Variants in CSPP1 observed in about 807,000 individuals in gnomAD.
The protein encoded by CSPP1 is centrosome and spindle pole-associated protein 1.
In CSPP1, 126 loss-of-function variants were observed where a neutral mutation model predicts 164.4. The ratio of observed to expected loss-of-function variants is 0.77; its 90% confidence interval spans 0.66 to 0.89. The LOEUF is 0.89. Among genes scored for constraint, CSPP1 ranks in the 40% least tolerant of loss-of-function variants. The pLI, the probability that CSPP1 is intolerant of heterozygous loss-of-function variation, is 0.00. For synonymous variants in CSPP1, 472 were observed against 476.7 expected, an observed-to-expected ratio of 0.99 and a Z score of 0.13; for missense variants, 1,395 against 1,449.8, an observed-to-expected ratio of 0.96 and a Z score of 0.61.
chr8:67,185,884 A>T (rs763295887), intron 28 of CSPP1, among the ~76,000 whole-genome samples: 1 of 152,222 alleles, frequency 6.6e-6, no homozygotes, highest in Non-Finnish European at 1.5e-5. Context: ...CAAGATCAAA[A>T]GGACAAGAAT....
At chr8:67,106,857 C>G (rs1433877514) in intron 9 of CSPP1, among the ~76,000 whole-genome samples, 1 of 151,968 alleles carries the variant, frequency 6.6e-6, no homozygotes, top group Admixed American at 6.6e-5. Flanking sequence ...CATATTATTG[C>G]ATTATATTGT....
chr8:67,172,414 A>G lies in CSPP1; in HGVS notation c.2829-2A>G. On this transcript the variant is annotated splice_acceptor_variant, in intron 24 of 30. Coordinates refer to ENST00000678616, the MANE Select transcript of CSPP1 (RefSeq NM_001382391.1). LOFTEE classifies it high-confidence loss of function. The stretch of plus-strand genomic sequence containing the variant: ...ATATTATGATTTGTCATTTATCTAT[A>G]GGAAAAAGGAAAGGAATCCCATGGA... The G allele has an allele frequency of 6.2e-7, 1 of 1,608,928 alleles. No homozygotes were observed. Among genetic ancestry groups the G allele is most frequent in the Non-Finnish European group, 8.5e-7 (1 of 1,176,466 alleles).
Position 67,064,514 on chromosome 8 carries a change from G to A in CSPP1, c.-35G>A, listed in dbSNP as rs1805098750. ...TCCCCTGAGTAAGAGTCAGCCAGCC[G>A]CGGATGGGGAGCGTGAGTGGCGAGG... On this transcript the variant is annotated 5_prime_UTR_variant, in exon 1 of 31. Coordinates refer to ENST00000678616, the MANE Select transcript of CSPP1 (RefSeq NM_001382391.1). The A allele has an allele frequency of 6.2e-7, 1 of 1,612,776 alleles. No homozygotes were observed. The highest frequency in any genetic ancestry group is 8.5e-7 in the Non-Finnish European group (1 of 1,179,682).
At chr8:67,169,968 G>A (rs1006990805) in intron 24 of CSPP1, among the ~76,000 whole-genome samples, 23 of 151,762 alleles carry the variant, frequency 1.5e-4, no homozygotes, top group African/African-American at 4.8e-4. Flanking sequence ...GGCTGGTCTC[G>A]AACTCCTGAG....
chr8:67,110,644 A>T (rs1816664477), intron 9 of CSPP1, among the ~76,000 whole-genome samples: 1 of 151,980 alleles, frequency 6.6e-6, no homozygotes, highest in Admixed American at 6.6e-5. Flanking sequence ...GCCTTCCTGA[A>T]TTTTGCTCTT....
At chr8:67,136,057 T>C (rs949466298) in intron 16 of CSPP1, 6 of 152,262 alleles carry the variant, frequency 3.9e-5, no homozygotes, top group Non-Finnish European at 8.8e-5. Context: ...ATCTTATGTG[T>C]GTGTGATTCA....
At chr8:67,191,300 CTG>C (rs1052580788) in intron 29 of CSPP1, among the ~76,000 whole-genome samples, 9 of 152,174 alleles carry the variant, frequency 5.9e-5, no homozygotes, top group African/African-American at 1.2e-4. Flanking sequence ...TTCTTAAACT[CTG>C]TGTGTGTTTC....
At chr8:67,175,195 A>T in intron 25 of CSPP1, 101 bp from the exon 26 acceptor site, 1 of 830,164 alleles carries the variant, frequency 1.2e-6, no homozygotes, top group Non-Finnish European at 2.0e-6. Context: ...CATTTCCTTG[A>T]TTTTGAAATT....
intron 18 of CSPP1, among the ~76,000 whole-genome samples, chr8:67,153,796 T>C (rs1419521202): frequency 6.6e-6 from 1 of 151,778 alleles, no homozygotes; most frequent in East Asian, 1.9e-4. Flanking sequence ...TTTCAGATAT[T>C]ATTTGATTTT....
intron 23 of CSPP1, 51 bp from the exon 24 acceptor site, chr8:67,164,340 C>A: frequency 2.3e-6 from 2 of 867,022 alleles, no homozygotes; most frequent in Non-Finnish European, 3.9e-6. Flanking sequence ...AATGTTTAGT[C>A]TTTTGTTCTT....
At chr8:67,083,548 A>AAAAAAAAAAATATATATATATAT (rs1332248754) in intron 3 of CSPP1, 3 of 91,502 alleles carry the variant, frequency 3.3e-5, no homozygotes, top group African/African-American at 1.3e-4. Flanking sequence ...AAAAAAAAAA[A>AAAAAAAAAAATATATATATATAT]ATATATATAT....
chr8:67,159,190 T>C (rs1827238564), intron 21 of CSPP1, 53 bp downstream of exon 21: 2 of 1,483,842 alleles, frequency 1.3e-6, no homozygotes, highest in South Asian at 1.3e-5. Flanking sequence ...TCACTTTCAC[T>C]GTGAGAGTTG....
In CSPP1 at chr8:67,086,065, A is replaced by G. The variant is rs759655809; in HGVS notation, c.258A>G (p.Lys86=). Residue 86 remains lysine (K), a synonymous_variant, in exon 4 of 31, where the codon AAA becomes AAG. Transcript: ENST00000678616. ...LGEDYERKKH[K]LKEELRQDYR... Reference sequence around the variant, plus strand: ...AAGACTATGAACGGAAGAAACATAAATTAAAAGAAGAATTGCGGCAAGATT... The same window carrying G: ...AAGACTATGAACGGAAGAAACATAAGTTAAAAGAAGAATTGCGGCAAGATT... 6.6e-7 allele frequency: 1 copy of G among 1,526,062 alleles called. No individual in the cohort carries two copies. Among genetic ancestry groups the G allele is most frequent in the Admixed American group, 1.7e-5 (1 of 59,904 alleles). The allele number at this position is 1,526,062 out of a possible 1,614,324, so 94.5% of individuals were successfully genotyped here. A position where few individuals can be genotyped will look rare whatever the true frequency, so the allele number is the denominator to read the frequency against.
At position 67,076,576 on chromosome 8, in the gene CSPP1, C is replaced by A; in HGVS notation, c.194C>A (p.Ser65Tyr). The A allele has an allele frequency of 6.4e-7, 1 of 1,567,880 alleles. No homozygotes were observed. The highest frequency in any genetic ancestry group is 1.1e-5 in the South Asian group (1 of 87,176). ...IPPNSQQTRG[S>Y]LGIDYGLSLP... Reference sequence around the variant, plus strand: ...CCAAATAGTCAACAGACCAGGGGTTCCTTAGGTATGTCATTAGATGTGCTA... The same window carrying A: ...CCAAATAGTCAACAGACCAGGGGTTACTTAGGTATGTCATTAGATGTGCTA... The change falls in exon 3 of 31, where the codon TCC (serine) becomes TAC (tyrosine). Residue 65 changes from serine to tyrosine, a missense_variant. Ser to Tyr is a moderately radical substitution (Grantham distance 144). Transcript: ENST00000678616.
chr8:67,130,847 G>T (rs770550444), intron 15 of CSPP1, among the ~76,000 whole-genome samples: 3 of 151,916 alleles, frequency 2.0e-5, no homozygotes, highest in Non-Finnish European at 4.4e-5. Context: ...AATTAGCCGG[G>T]CGTGGTGGCG....
chr8:67,144,462 C>G (rs1824092153), intron 17 of CSPP1, among the ~76,000 whole-genome samples: 1 of 152,056 alleles, frequency 6.6e-6, no homozygotes, highest in Admixed American at 6.6e-5. Context: ...TTTTTTGAGA[C>G]AGAGTCTTGC....
intron 21 of CSPP1, among the ~76,000 whole-genome samples, chr8:67,159,860 CTTTCTTTCTTTCTT>C (rs1379023942): frequency 2.4e-4 from 6 of 24,624 alleles, no homozygotes; most frequent in South Asian, 1.7e-3. Context: ...CTTTTTCTTT[CTTTCTTTCTTTCTT>C]TCTTTCTTTC....
In CSPP1 at chr8:67,164,376, A is replaced by G. The variant is rs756159198; in HGVS notation, c.2711-15A>G. The G allele has an allele frequency of 5.1e-5, 60 of 1,175,250 alleles. No individual in the cohort carries two copies. Among genetic ancestry groups the G allele is most frequent in the Non-Finnish European group, 7.2e-5 (56 of 782,164 alleles). The allele number at this position is 1,175,250 out of a possible 1,614,324, so 72.8% of individuals were successfully genotyped here. A position where few individuals can be genotyped will look rare whatever the true frequency, so the allele number is the denominator to read the frequency against. ...ATTCCTGTCTTGTGTTTTACTTATC[A>G]ATGGGAATTTGCAGAGGAGAAAAAA... On this transcript the variant is annotated splice_polypyrimidine_tract_variant and intron_variant, in intron 23 of 30. Coordinates refer to ENST00000678616, the MANE Select transcript of CSPP1 (RefSeq NM_001382391.1).
chr8:67,113,456 T>C (rs2305673), intron 10 of CSPP1, among the ~76,000 whole-genome samples: 19,373 of 152,044 alleles, frequency 0.13, 2,451 homozygotes, highest in African/African-American at 0.33. Flanking sequence ...TTTACCCTTC[T>C]TTTTGCTAAC....
Sources: allele counts gnomAD v4.1 joint callset (sites outside exome capture counted in the v4.1 genomes callset), GRCh38; gene constraint gnomAD v4.1.1; transcripts MANE v1.5; gene names NCBI Gene and HGNC (gene_info 2026-07-23, HGNC 2026-07-21).